The following OPCML variants were observed in gnomAD, a reference collection of about 807,000 sequenced individuals.
The protein encoded by OPCML is opioid-binding protein/cell adhesion molecule.
Under a neutral mutation model 37.8 loss-of-function variants are expected in OPCML, and 13 were observed. That is an observed-to-expected ratio of 0.34 (90% CI 0.22 to 0.55). The LOEUF is 0.55. Ranked by LOEUF, OPCML falls within the 20% of genes least tolerant of loss-of-function variation. The pLI is 0.91. For missense variants in OPCML, 341 were observed against 435.6 expected (o/e 0.78, Z 1.93); for synonymous variants, 176 against 168.8 (o/e 1.04, Z -0.33).
At chr11:132,748,040 T>C (rs908534571) in intron 2 of OPCML, among the ~76,000 whole-genome samples, 1 of 151,522 alleles carries the variant, frequency 6.6e-6, no homozygotes, top group Admixed American at 6.6e-5. Context: ...TCTATTATGT[T>C]ATTTTATCCT....
At chr11:132,864,817 T>C (rs1942459763) in intron 2 of OPCML, among the ~76,000 whole-genome samples, 1 of 152,252 alleles carries the variant, frequency 6.6e-6, no homozygotes, top group Non-Finnish European at 1.5e-5. Context: ...ATATTCTTTG[T>C]AAGAATGGTT....
At chr11:133,329,681 A>G (rs1327339910) in intron 1 of OPCML, among the ~76,000 whole-genome samples, 7 of 152,348 alleles carry the variant, frequency 4.6e-5, no homozygotes, top group Non-Finnish European at 8.8e-5. Flanking sequence ...TTATACAAAA[A>G]TTAATTCAAG....
chr11:133,375,925 T>C (rs74570402), intron 1 of OPCML, among the ~76,000 whole-genome samples: 3,955 of 152,248 alleles, frequency 0.026, 84 homozygotes, highest in Middle Eastern at 0.044. Context: ...CAGCTCCTCA[T>C]TGTATCTTAA....
intron 2 of OPCML, among the ~76,000 whole-genome samples, chr11:132,928,188 C>A (rs1050271433): frequency 6.6e-6 from 1 of 151,920 alleles, no homozygotes; most frequent in Non-Finnish European, 1.5e-5. Context: ...CACAGATTGG[C>A]AGAATGGATT....
intron 1 of OPCML, among the ~76,000 whole-genome samples, chr11:133,217,572 G>A (rs1453832): frequency 0.032 from 4,911 of 152,270 alleles, 237 homozygotes; most frequent in African/African-American, 0.11. Context: ...GCCCATGGAG[G>A]TGGGTACTCG....
intron 1 of OPCML, among the ~76,000 whole-genome samples, chr11:133,132,175 A>T (rs1410668676): frequency 6.6e-6 from 1 of 152,210 alleles, no homozygotes; most frequent in Non-Finnish European, 1.5e-5. Context: ...AAACTCTCAT[A>T]ATTTAACGCT....
chr11:133,396,891 C>A (rs748724640), intron 1 of OPCML, among the ~76,000 whole-genome samples: 19 of 152,132 alleles, frequency 1.2e-4, no homozygotes, highest in Admixed American at 2.0e-4. Flanking sequence ...AATATTTATT[C>A]CTACTTCTAC....
At chr11:132,647,493 T>C (rs1337406337) in intron 3 of OPCML, among the ~76,000 whole-genome samples, 1 of 152,202 alleles carries the variant, frequency 6.6e-6, no homozygotes, top group Non-Finnish European at 1.5e-5. Flanking sequence ...ACTGATAATA[T>C]GAAACAGTTG....
rs542587041 is a variant in OPCML, at chr11:133,198,361, A to G, written c.62-255351T>C. Among the ~76,000 whole-genome samples the G allele has an allele frequency of 3.9e-5, 6 of 152,358 alleles. No individual in the cohort carries two copies. The East Asian group carries it at 7.7e-4, about 20-fold the overall frequency. ...TTAACAAAAGGACATTCGATCATAC[A>G]TTGCATTTTGTTTCCACAGTAGGTA... On this transcript the variant is annotated intron_variant, in intron 1 of 7. Coordinates refer to ENST00000524381, the MANE Select transcript of OPCML (RefSeq NM_001012393.5).
At chr11:132,460,387 A>C in intron 4 of OPCML, among the ~76,000 whole-genome samples, 1 of 152,278 alleles carries the variant, frequency 6.6e-6, no homozygotes, top group East Asian at 1.9e-4. Context: ...ATTACCTTGA[A>C]AACAGCTTTG....
intron 1 of OPCML, among the ~76,000 whole-genome samples, chr11:133,505,038 C>T (rs539429170): frequency 1.3e-5 from 2 of 152,318 alleles, no homozygotes; most frequent in East Asian, 1.9e-4. Context: ...AGCAGGCTTT[C>T]GGGCCATGCA....
chr11:133,357,694 A>T (rs1049356784), intron 1 of OPCML, among the ~76,000 whole-genome samples: 1 of 152,194 alleles, frequency 6.6e-6, no homozygotes, highest in African/African-American at 2.4e-5. Context: ...ATTCTGAGGA[A>T]GAATTTTCCT....
chr11:133,532,140 C>T (rs1948619477), intron 1 of OPCML, 124 bp downstream of exon 1: 1 of 1,460,402 alleles, frequency 6.8e-7, no homozygotes, highest in East Asian at 2.5e-5. Context: ...CTTTCACTCA[C>T]ATGCATCTCA....
chr11:132,768,171 G>A (rs1024449202), intron 2 of OPCML, among the ~76,000 whole-genome samples: 3 of 152,158 alleles, frequency 2.0e-5, no homozygotes, highest in African/African-American at 4.8e-5. Context: ...CAAGGTACCT[G>A]CTTATTCTAT....
At chr11:132,506,132 T>C (rs2096256275) in intron 4 of OPCML, among the ~76,000 whole-genome samples, 1 of 152,208 alleles carries the variant, frequency 6.6e-6, no homozygotes, top group Non-Finnish European at 1.5e-5. Context: ...ACAGGAGTTT[T>C]AAGGGTAAAG....
At chr11:133,517,496 G>T (rs556611528) in intron 1 of OPCML, among the ~76,000 whole-genome samples, 2 of 152,326 alleles carry the variant, frequency 1.3e-5, no homozygotes, top group African/African-American at 4.8e-5. Flanking sequence ...TTGATAAAGG[G>T]CAACAGGGAG....
intron 2 of OPCML, among the ~76,000 whole-genome samples, chr11:132,914,396 T>C (rs989950735): frequency 1.3e-5 from 2 of 152,260 alleles, no homozygotes; most frequent in Admixed American, 6.5e-5. Context: ...CTTGTGACCA[T>C]ACATTTTCTG....
intron 1 of OPCML, among the ~76,000 whole-genome samples, chr11:133,389,614 A>G (rs1945126931): frequency 1.3e-5 from 2 of 152,186 alleles, no homozygotes; most frequent in Admixed American, 1.3e-4. Flanking sequence ...TATTATTACT[A>G]TACTTTGTAT....
At chr11:133,457,542 G>A (rs763791886) in intron 1 of OPCML, among the ~76,000 whole-genome samples, 1 of 151,236 alleles carries the variant, frequency 6.6e-6, no homozygotes, top group Non-Finnish European at 1.5e-5. Flanking sequence ...ATATATCTAT[G>A]GCCTCTTTTT....
Sources: allele counts gnomAD v4.1 joint callset (sites outside exome capture counted in the v4.1 genomes callset), GRCh38; gene constraint gnomAD v4.1.1; transcripts MANE v1.5; gene names NCBI Gene and HGNC (gene_info 2026-07-23, HGNC 2026-07-21).